FARS2: variants seen among roughly 807,000 people sequenced by gnomAD.
FARS2 encodes the protein phenylalanyl-tRNA synthetase 2, mitochondrial.
In FARS2, 40 loss-of-function variants were observed where a neutral mutation model predicts 46.4. The observed-to-expected ratio is 0.86, with a 90% CI of 0.67 to 1.12. The LOEUF (loss-of-function observed/expected upper bound fraction) is 1.12. Among genes scored for constraint, FARS2 ranks in the 50% most tolerant of loss-of-function variants. FARS2 has a pLI of 0.00. For missense variants in FARS2, 513 were observed against 567.9 expected (o/e 0.90, Z 0.98); for synonymous variants, 234 against 214.9 (o/e 1.09, Z -0.78).
chr6:5,385,414 C>A (rs1186967865), intron 2 of FARS2, among the ~76,000 whole-genome samples: 1 of 139,876 alleles, frequency 7.1e-6, no homozygotes, highest in Non-Finnish European at 1.5e-5. Flanking sequence ...AGTTTCTTTT[C>A]TTTTTTTCTT....
At chr6:5,313,989 C>T (rs1388306616) in intron 1 of FARS2, among the ~76,000 whole-genome samples, 1 of 152,104 alleles carries the variant, frequency 6.6e-6, no homozygotes, top group Non-Finnish European at 1.5e-5. Context: ...CAGATTACAA[C>T]GTATAGCAAC....
At position 5,688,184 on chromosome 6, in the gene FARS2, C is replaced by T. The variant is rs139769170; in HGVS notation, c.1217+74864C>T. 9.7e-3 allele frequency among the ~76,000 whole-genome samples: 1,477 copies of T among 152,266 alleles called. 21 individuals are homozygous for T. Among genetic ancestry groups the T allele is most frequent in the African/African-American group, 0.034 (1,399 of 41,540 alleles). On this transcript the variant is annotated intron_variant, in intron 6 of 6. Transcript: ENST00000274680. ...GACTTCCTCTTTTCCTAATTGAATACACTTTATTTCCTTCTCCTGCCTGAT... is the reference window on the plus strand; with the variant it reads ...GACTTCCTCTTTTCCTAATTGAATATACTTTATTTCCTTCTCCTGCCTGAT...
At chr6:5,613,350 T>C (rs370563765) in intron 6 of FARS2, 30 bp downstream of exon 6, 2 of 1,596,096 alleles carry the variant, frequency 1.3e-6, no homozygotes, top group African/African-American at 2.7e-5. Flanking sequence ...ATTTTACCCT[T>C]GACTATCTCT....
chr6:5,261,093 G>T, upstream of FARS2: 1 of 328,714 alleles, frequency 3.0e-6, no homozygotes, highest in Non-Finnish European at 4.5e-6. Flanking sequence ...CGTGCATCCA[G>T]CCAAGCTCCT....
At chr6:5,728,049 C>T (rs1370313178) in intron 6 of FARS2, among the ~76,000 whole-genome samples, 1 of 152,204 alleles carries the variant, frequency 6.6e-6, no homozygotes, top group Non-Finnish European at 1.5e-5. Context: ...TGGATGCCGC[C>T]TTGATGGCCC....
chr6:5,437,842 C>A (rs1763614565), intron 4 of FARS2, among the ~76,000 whole-genome samples: 1 of 152,080 alleles, frequency 6.6e-6, no homozygotes, highest in African/African-American at 2.4e-5. Context: ...TTTCCCATTT[C>A]TCTTGCTGTT....
intron 5 of FARS2, among the ~76,000 whole-genome samples, chr6:5,583,170 G>A (rs1773431395): frequency 6.6e-6 from 1 of 152,138 alleles, no homozygotes; most frequent in Non-Finnish European, 1.5e-5. Context: ...AAAACAAAAT[G>A]GTCACTATGC....
chr6:5,338,485 A>G (rs755405764), intron 1 of FARS2, among the ~76,000 whole-genome samples: 1 of 152,148 alleles, frequency 6.6e-6, no homozygotes, highest in Non-Finnish European at 1.5e-5. Context: ...AGCAGAGTTC[A>G]TATGGAACGT....
At chr6:5,274,030 C>G (rs1325941891) in intron 1 of FARS2, among the ~76,000 whole-genome samples, 6 of 152,064 alleles carry the variant, frequency 3.9e-5, no homozygotes, top group African/African-American at 1.5e-4. Flanking sequence ...ATAAATTAAA[C>G]TTTATCATAG....
chr6:5,681,965 G>A (rs1187187351), intron 6 of FARS2, among the ~76,000 whole-genome samples: 1 of 152,192 alleles, frequency 6.6e-6, no homozygotes, highest in Non-Finnish European at 1.5e-5. Flanking sequence ...TCGGAATTCA[G>A]GCTGCTGGGT....
chr6:5,642,365 A>G (rs1380967586), intron 6 of FARS2, among the ~76,000 whole-genome samples: 1 of 152,230 alleles, frequency 6.6e-6, no homozygotes, highest in Non-Finnish European at 1.5e-5. Flanking sequence ...GTAAATCCCC[A>G]ATAGGACTTT....
In FARS2 at chr6:5,432,348, ATATTATATATATAT is replaced by A. The variant is rs1562036548; in HGVS notation, c.904+1177_904+1190del. Reference sequence around the variant, plus strand: ...AAAAAATATATATATATATATATATATATTATATATATATAATATATTATATATTTATATATTAT... The same window carrying A: ...AAAAAATATATATATATATATATATAAATATATTATATATTTATATATTAT... On this transcript the variant is annotated intron_variant, in intron 4 of 6. Transcript: ENST00000274680. 4.2e-4 allele frequency among the ~76,000 whole-genome samples: 14 copies of A among 33,052 alleles called. No homozygotes were observed. In the East Asian group the frequency reaches 0.017, roughly 40 times the overall value. 21.7% of individuals were successfully genotyped at this position (33,052 alleles called of 152,430 possible).
chr6:5,480,598 T>G (rs1399403013), intron 4 of FARS2, among the ~76,000 whole-genome samples: 1 of 152,246 alleles, frequency 6.6e-6, no homozygotes, highest in African/African-American at 2.4e-5. Flanking sequence ...ATAAACTCTT[T>G]GAGGTAAGAA....
chr6:5,276,980 T>A (rs762814940), intron 1 of FARS2, among the ~76,000 whole-genome samples: 2 of 152,238 alleles, frequency 1.3e-5, no homozygotes, highest in Non-Finnish European at 2.9e-5. Flanking sequence ...CAGTATCTCC[T>A]GAGCCAGCCT....
chr6:5,470,240 A>G (rs539451584), intron 4 of FARS2, among the ~76,000 whole-genome samples: 2 of 152,382 alleles, frequency 1.3e-5, no homozygotes, highest in East Asian at 3.9e-4. Flanking sequence ...AAATGCAAGT[A>G]AAAAACAATA....
intron 2 of FARS2, among the ~76,000 whole-genome samples, chr6:5,372,485 T>C (rs1278791743): frequency 6.6e-6 from 1 of 152,134 alleles, no homozygotes; most frequent in African/African-American, 2.4e-5. Flanking sequence ...ACAGTCAAAG[T>C]CTAAACAAAT....
chr6:5,493,115 A>G (rs1239363064), intron 4 of FARS2, among the ~76,000 whole-genome samples: 1 of 151,304 alleles, frequency 6.6e-6, no homozygotes, highest in African/African-American at 2.4e-5. Flanking sequence ...AGGCTGAGGC[A>G]GGAGAATTGC....
chr6:5,534,859 G>GCACA (rs750304235), intron 4 of FARS2, among the ~76,000 whole-genome samples: 7 of 149,974 alleles, frequency 4.7e-5, no homozygotes, highest in South Asian at 2.1e-4. Flanking sequence ...ACTTGCACGC[G>GCACA]CACACACACA....
At chr6:5,460,448 G>C (rs1239661702) in intron 4 of FARS2, among the ~76,000 whole-genome samples, 2 of 152,168 alleles carry the variant, frequency 1.3e-5, no homozygotes, top group Admixed American at 6.5e-5. Context: ...ACAGATATTA[G>C]GTGCTTTCTA....
Sources: allele counts gnomAD v4.1 joint callset (sites outside exome capture counted in the v4.1 genomes callset), GRCh38; gene constraint gnomAD v4.1.1; transcripts MANE v1.5; gene names NCBI Gene and HGNC (gene_info 2026-07-23, HGNC 2026-07-21).